Variants in RAD51B observed in about 807,000 individuals in gnomAD.
RAD51B encodes RAD51 paralog B.
In RAD51B, 38 loss-of-function variants were observed where a neutral mutation model predicts 42.2. The ratio of observed to expected loss-of-function variants is 0.90; its 90% CI spans 0.70 to 1.18. The LOEUF is 1.18. RAD51B is among the 50% of genes most tolerant of loss of function. The pLI, the probability that RAD51B is intolerant of heterozygous loss-of-function variation, is 0.00. For synonymous variants in RAD51B, 154 were observed against 145.2 expected, an observed-to-expected ratio of 1.06 and a Z score of -0.43; for missense variants, 373 against 400.7, an observed-to-expected ratio of 0.93 and a Z score of 0.59.
At position 68,019,737 on chromosome 14, in the gene RAD51B, G is replaced by C. The variant is rs777993437; in HGVS notation, c.756+132533G>C. Among the ~76,000 whole-genome samples, 3 of 152,056 alleles carry C rather than the reference G, an allele frequency of 2.0e-5. No individual in the cohort carries two copies. In the East Asian group the frequency reaches 5.8e-4, roughly 29 times the overall value. ...CTGTGATTTTATCAGTTAAGATTAG[G>C]ATGACTGCGTATAACAAAAAAAGAG... On this transcript the variant is annotated intron_variant, in intron 7 of 10. Transcript: ENST00000471583.
chr14:68,297,305 G>A (rs759211782), intron 8 of RAD51B, among the ~76,000 whole-genome samples: 53 of 152,284 alleles, frequency 3.5e-4, no homozygotes, highest in Non-Finnish European at 7.2e-4. Context: ...TTGAAAATGT[G>A]GCTCCCTGCT....
chr14:68,329,317 C>T (rs1193026124), intron 8 of RAD51B, among the ~76,000 whole-genome samples: 1 of 152,100 alleles, frequency 6.6e-6, no homozygotes, highest in Non-Finnish European at 1.5e-5. Context: ...CTTATTATGT[C>T]AATTTGAATG....
At position 68,379,293 on chromosome 14, in the gene RAD51B, G is replaced by A. The variant is rs141513558; in HGVS notation, c.854-32131G>A. 6.6e-5 allele frequency among the ~76,000 whole-genome samples: 10 copies of A among 152,200 alleles called. No homozygotes were observed. The East Asian group carries it at 1.9e-3, about 29-fold the overall frequency. On this transcript the variant is annotated intron_variant, in intron 8 of 10. Coordinates refer to ENST00000471583, the MANE Select transcript of RAD51B (RefSeq NM_133510.4). ...TATCATTAATTAAAATTTATATATTGGAGATAATTTTTGCTAATAGATTTT... is the reference window on the plus strand; with the variant it reads ...TATCATTAATTAAAATTTATATATTAGAGATAATTTTTGCTAATAGATTTT...
At chr14:68,309,483 T>C (rs1439918364) in intron 8 of RAD51B, among the ~76,000 whole-genome samples, 2 of 151,880 alleles carry the variant, frequency 1.3e-5, no homozygotes, top group Non-Finnish European at 2.9e-5. Context: ...CACGGAGAGG[T>C]AGAGAAAAGT....
intron 7 of RAD51B, among the ~76,000 whole-genome samples, chr14:67,917,649 A>G (rs1283968024): frequency 6.6e-6 from 1 of 152,166 alleles, no homozygotes; most frequent in Non-Finnish European, 1.5e-5. Context: ...TTTTGTATAT[A>G]TTTTTGAGAT....
At chr14:67,841,426 A>G (rs1273659887) in intron 4 of RAD51B, among the ~76,000 whole-genome samples, 1 of 151,912 alleles carries the variant, frequency 6.6e-6, no homozygotes, top group African/African-American at 2.4e-5. Context: ...CTCTTTAGTT[A>G]GGTACCACTT....
At chr14:68,174,887 G>T (rs892357699) in intron 7 of RAD51B, among the ~76,000 whole-genome samples, 1 of 152,124 alleles carries the variant, frequency 6.6e-6, no homozygotes, top group Non-Finnish European at 1.5e-5. Flanking sequence ...TCTATTAATG[G>T]TGAGCTCAGT....
chr14:68,623,523 T>C (rs1308678835), intron 10 of RAD51B, among the ~76,000 whole-genome samples: 1 of 152,248 alleles, frequency 6.6e-6, no homozygotes, highest in Non-Finnish European at 1.5e-5. Context: ...AAATTCAGCC[T>C]GCACTCATCC....
At chr14:67,998,881 A>G (rs1249928143) in intron 7 of RAD51B, among the ~76,000 whole-genome samples, 1 of 152,160 alleles carries the variant, frequency 6.6e-6, no homozygotes, top group Admixed American at 6.5e-5. Flanking sequence ...ATGTATGTGC[A>G]GCTTAATTTT....
intron 7 of RAD51B, among the ~76,000 whole-genome samples, chr14:67,905,878 C>T (rs2043766463): frequency 1.3e-5 from 2 of 152,048 alleles, no homozygotes; most frequent in Admixed American, 6.6e-5. Flanking sequence ...TCCTCTCTTC[C>T]TGTCTGGATG....
chr14:68,060,544 T>C (rs2076551044), intron 7 of RAD51B, among the ~76,000 whole-genome samples: 1 of 152,230 alleles, frequency 6.6e-6, no homozygotes, highest in Non-Finnish European at 1.5e-5. Flanking sequence ...AAATTACTTC[T>C]TACAGTTGAT....
chr14:68,299,309 C>T (rs1039095276), intron 8 of RAD51B, among the ~76,000 whole-genome samples: 2 of 152,030 alleles, frequency 1.3e-5, no homozygotes, highest in Non-Finnish European at 2.9e-5. Context: ...CCTCCTTATC[C>T]ATGAGTTCTG....
At chr14:68,109,481 A>C (rs2077427287) in intron 7 of RAD51B, among the ~76,000 whole-genome samples, 1 of 152,062 alleles carries the variant, frequency 6.6e-6, no homozygotes, top group South Asian at 2.1e-4. Flanking sequence ...TTCTGAGGGA[A>C]ATAAGAAGCT....
At chr14:67,844,402 T>G (rs1265679352) in intron 4 of RAD51B, among the ~76,000 whole-genome samples, 1 of 151,870 alleles carries the variant, frequency 6.6e-6, no homozygotes, top group Non-Finnish European at 1.5e-5. Flanking sequence ...GTCTTGAATT[T>G]ATTAGTTTTC....
intron 10 of RAD51B, among the ~76,000 whole-genome samples, chr14:68,607,257 C>T (rs185326770): frequency 2.6e-5 from 4 of 152,326 alleles, no homozygotes; most frequent in East Asian, 3.9e-4. Flanking sequence ...CATGCCAGCA[C>T]TTCTGTTTGC....
At chr14:68,457,738 A>G (rs1477175406) in intron 9 of RAD51B, among the ~76,000 whole-genome samples, 1 of 150,216 alleles carries the variant, frequency 6.7e-6, no homozygotes, top group Admixed American at 6.6e-5. Flanking sequence ...AGCTGGGATT[A>G]CAGGCACGTG....
chr14:68,599,781 G>A (rs777746172), downstream of RAD51B, among the ~76,000 whole-genome samples: 4 of 152,188 alleles, frequency 2.6e-5, no homozygotes, highest in African/African-American at 9.7e-5. Flanking sequence ...AAGAAGGATG[G>A]AGACAAGAAG....
intron 8 of RAD51B, among the ~76,000 whole-genome samples, chr14:68,292,954 G>A (rs535194759): frequency 2.6e-5 from 4 of 152,126 alleles, no homozygotes; most frequent in African/African-American, 7.2e-5. Context: ...CTGAATCATC[G>A]AGCATTCCTC....
chr14:67,868,303 C>T (rs574935434), intron 5 of RAD51B, among the ~76,000 whole-genome samples: 26 of 152,216 alleles, frequency 1.7e-4, no homozygotes, highest in East Asian at 1.5e-3. Context: ...GTTCCCTTTC[C>T]GAGTCAAAGA....
Sources: gnomAD v4.1 joint callset for allele counts (sites outside exome capture counted in the v4.1 genomes callset) on GRCh38, gnomAD v4.1.1 for gene constraint, MANE v1.5 for transcripts, NCBI Gene and HGNC (gene_info 2026-07-23, HGNC 2026-07-21) for gene names.